The following MICAL3 variants were observed in gnomAD, a reference collection of about 807,000 sequenced individuals.
MICAL3 encodes the protein microtubule associated monooxygenase, calponin and LIM domain containing 3.
A neutral mutation model predicts 207.4 loss-of-function variants in MICAL3; 62 were observed. That is an observed-to-expected ratio of 0.30 (90% confidence interval 0.24 to 0.37). The LOEUF (loss-of-function observed/expected upper bound fraction) is 0.37, where lower values mean the gene tolerates loss of function less well. Ranked by LOEUF, MICAL3 falls within the 10% of genes least tolerant of loss-of-function variation. MICAL3 has a pLI of 1.00. For missense variants in MICAL3, 2,368 were observed against 2,635.6 expected (o/e 0.90, Z 2.22); for synonymous variants, 1,077 against 1,069.3 (o/e 1.01, Z -0.14).
At chr22:17,834,690 G>A (rs1923176293) in intron 20 of MICAL3, 1 of 812,150 alleles carries the variant, frequency 1.2e-6, no homozygotes. Flanking sequence ...GAGGTCGAAA[G>A]TGGGCAAACC....
At chr22:17,815,822 C>T (rs1299746912) in intron 27 of MICAL3, among the ~76,000 whole-genome samples, 1 of 152,222 alleles carries the variant, frequency 6.6e-6, no homozygotes, top group Non-Finnish European at 1.5e-5. Flanking sequence ...CCATCTTCAC[C>T]AAATGGGCAC....
At chr22:17,808,233 C>T (rs2062008049) in intron 29 of MICAL3, among the ~76,000 whole-genome samples, 1 of 152,244 alleles carries the variant, frequency 6.6e-6, no homozygotes, top group South Asian at 2.1e-4. Context: ...GAGCACAGGG[C>T]CCTGCCAGCC....
At chr22:17,854,734 A>G (rs545104985) in intron 19 of MICAL3, among the ~76,000 whole-genome samples, 1 of 152,168 alleles carries the variant, frequency 6.6e-6, no homozygotes, top group Non-Finnish European at 1.5e-5. Flanking sequence ...GCACCTGCAC[A>G]TCCCCTACCC....
At chr22:17,826,142 C>A (rs925949775) in intron 22 of MICAL3, among the ~76,000 whole-genome samples, 1 of 152,246 alleles carries the variant, frequency 6.6e-6, no homozygotes, top group African/African-American at 2.4e-5. Flanking sequence ...TCATTCTCAA[C>A]ACATTTTAAA....
chr22:17,810,730 C>T lies in MICAL3; in HGVS notation c.5529G>A (p.Glu1843=), dbSNP rs770979044. The change falls in exon 28 of 32, where the codon GAG becomes GAA. Residue 1843 remains glutamate, a synonymous_variant. Transcript: ENST00000441493. The part of the protein sequence containing the change: ...QKAARRQAKQ[E]ELKRLHRAQI... The stretch of plus-strand genomic sequence containing the variant: ...GGGCTCGATGCAGCCGCTTAAGCTC[C>T]TCCTGCTTGGCCTGTCTCCGAGCTG... The T allele has an allele frequency of 9.9e-6, 16 of 1,614,022 alleles. No homozygotes were observed. Among genetic ancestry groups the T allele is most frequent in the Non-Finnish European group, 1.4e-5 (16 of 1,179,882 alleles).
At chr22:17,972,477 G>A (rs2146414014) in intron 1 of MICAL3, among the ~76,000 whole-genome samples, 1 of 152,300 alleles carries the variant, frequency 6.6e-6, no homozygotes, top group Non-Finnish European at 1.5e-5. Context: ...TACGGGAGTA[G>A]GGACAGCAAG....
At chr22:17,875,887 C>T (rs1313611872) in intron 16 of MICAL3, among the ~76,000 whole-genome samples, 6 of 152,130 alleles carry the variant, frequency 3.9e-5, no homozygotes, top group Non-Finnish European at 2.9e-5. Context: ...GATGGCTTGT[C>T]GACTCACATG....
At chr22:17,873,366 TC>T (rs1021280865) in intron 16 of MICAL3, among the ~76,000 whole-genome samples, 1 of 152,260 alleles carries the variant, frequency 6.6e-6, no homozygotes, top group African/African-American at 2.4e-5. Context: ...GTAGCGCACG[TC>T]GCCAGCTCTT....
intron 16 of MICAL3, among the ~76,000 whole-genome samples, chr22:17,877,045 T>A (rs201155086): frequency 1.4e-5 from 1 of 69,504 alleles, no homozygotes; most frequent in Non-Finnish European, 3.0e-5. Context: ...AGGGAGGTTA[T>A]GGAGGTTAGG....
At chr22:17,983,123 C>T (rs1936000863) in intron 1 of MICAL3, 1 of 152,184 alleles carries the variant, frequency 6.6e-6, no homozygotes, top group African/African-American at 2.4e-5. Flanking sequence ...ACTTTGTTGC[C>T]CAGGTTGGTC....
chr22:17,806,015 C>G (rs1387316096), intron 29 of MICAL3, among the ~76,000 whole-genome samples: 2 of 152,222 alleles, frequency 1.3e-5, no homozygotes, highest in African/African-American at 4.8e-5. Flanking sequence ...CAGGCGTGAG[C>G]CACCGCGCCC....
intron 1 of MICAL3, among the ~76,000 whole-genome samples, chr22:17,985,953 G>C (rs1176381795): frequency 6.6e-6 from 1 of 152,058 alleles, no homozygotes; most frequent in Non-Finnish European, 1.5e-5. Flanking sequence ...GTCGCCCAGG[G>C]TGGAGTGCAG....
chr22:18,014,633 G>T (rs7291656), intron 1 of MICAL3, among the ~76,000 whole-genome samples: 1 of 152,096 alleles, frequency 6.6e-6, no homozygotes, highest in African/African-American at 2.4e-5. Flanking sequence ...TCTTAATGGG[G>T]GAAAAAGTCC....
chr22:17,814,315 A>G (rs991547238), intron 27 of MICAL3: 5 of 152,224 alleles, frequency 3.3e-5, no homozygotes, highest in African/African-American at 1.2e-4. Flanking sequence ...TCTATATGTC[A>G]TCTTTTATAT....
intron 16 of MICAL3, among the ~76,000 whole-genome samples, chr22:17,883,373 G>T (rs1228169982): frequency 6.6e-6 from 1 of 152,162 alleles, no homozygotes; most frequent in East Asian, 1.9e-4. Flanking sequence ...TTGCCTGAAT[G>T]TAAGTAATTT....
At chr22:17,978,482 A>C (rs1479391309) in intron 1 of MICAL3, among the ~76,000 whole-genome samples, 1 of 152,116 alleles carries the variant, frequency 6.6e-6, no homozygotes, top group Non-Finnish European at 1.5e-5. Flanking sequence ...GATGGTTGCA[A>C]AACTCTGCAT....
At chr22:17,905,406 T>C (rs1225248172) in intron 2 of MICAL3, among the ~76,000 whole-genome samples, 2 of 152,094 alleles carry the variant, frequency 1.3e-5, no homozygotes, top group Non-Finnish European at 2.9e-5. Flanking sequence ...ATCTCGAAAA[T>C]CCACACTCCA....
At chr22:17,916,291 C>T (rs1932512836) in intron 1 of MICAL3, among the ~76,000 whole-genome samples, 1 of 152,060 alleles carries the variant, frequency 6.6e-6, no homozygotes, top group African/African-American at 2.4e-5. Context: ...TGCTTCTGAT[C>T]CTGTCCCCGT....
chr22:17,863,622 T>C (rs1926753170), intron 19 of MICAL3: 5 of 985,418 alleles, frequency 5.1e-6, no homozygotes, highest in Non-Finnish European at 6.0e-6. Context: ...CAGATGATAA[T>C]AAGGGCACGT....
Sources: allele counts gnomAD v4.1 joint callset (sites outside exome capture counted in the v4.1 genomes callset), GRCh38; gene constraint gnomAD v4.1.1; transcripts MANE v1.5; gene names NCBI Gene and HGNC (gene_info 2026-07-23, HGNC 2026-07-21).